The following INTS7 variants were observed in gnomAD, a reference collection of about 807,000 sequenced individuals.
INTS7 encodes integrator complex subunit 7.
A neutral mutation model predicts 109.2 loss-of-function variants in INTS7; 46 were observed. That is an observed-to-expected ratio of 0.42 (90% CI 0.33 to 0.54). The LOEUF (loss-of-function observed/expected upper bound fraction) is 0.54. INTS7 is among the 20% of genes least tolerant of loss of function. The probability of loss-of-function intolerance (pLI) is 0.07; values close to 1 mark genes in which losing one functional copy is unlikely to be tolerated. For missense variants in INTS7, 929 were observed against 1,132.4 expected, an observed-to-expected ratio of 0.82 and a Z score of 2.58; for synonymous variants, 412 against 402.9, an observed-to-expected ratio of 1.02 and a Z score of -0.27.
At chr1:211,995,970 G>A (rs147944134) in intron 7 of INTS7, among the ~76,000 whole-genome samples, 12 of 152,294 alleles carry the variant, frequency 7.9e-5, no homozygotes, top group African/African-American at 2.6e-4. Flanking sequence ...TTATGGTATT[G>A]CTACAGCAGC....
At chr1:211,975,918 ATG>A (rs1285032526) in intron 12 of INTS7, among the ~76,000 whole-genome samples, 1 of 151,304 alleles carries the variant, frequency 6.6e-6, no homozygotes, top group Non-Finnish European at 1.5e-5. Flanking sequence ...ACCTAGAGTA[ATG>A]CTTCCTCAAA....
At position 211,942,170 on chromosome 1, in the gene INTS7, T is replaced by C. The variant is rs997890668; in HGVS notation, c.2602-59A>G. 1 of 1,554,416 alleles carries C rather than the reference T, an allele frequency of 6.4e-7. No individual in the cohort carries two copies. The highest frequency in any genetic ancestry group is 2.2e-5 in the East Asian group (1 of 44,590). ...GCTAACATTTCTTCAGTGCTTACTA[T>C]GAGTTAGGCCCTGTTCTAAGAGCTT... On this transcript the variant is annotated intron_variant, in intron 19 of 19. Coordinates refer to ENST00000366994, the MANE Select transcript of INTS7 (RefSeq NM_015434.4). The surrounding 1 kb of genome is among the most constrained non-coding windows in gnomAD (Gnocchi z 4.2).
chr1:211,977,210 G>A (rs1335746870), intron 11 of INTS7, among the ~76,000 whole-genome samples: 1 of 152,186 alleles, frequency 6.6e-6, no homozygotes, highest in African/African-American at 2.4e-5. Context: ...TGAGAGAAGG[G>A]AGGAGATGCT....
At chr1:211,989,683 GT>G (rs1665061788) in intron 7 of INTS7, among the ~76,000 whole-genome samples, 1 of 151,960 alleles carries the variant, frequency 6.6e-6, no homozygotes, top group African/African-American at 2.4e-5. Context: ...TCAGCCGGGT[GT>G]GGTGGTGCAC....
chr1:212,024,803 C>T (rs1432846103), intron 1 of INTS7, among the ~76,000 whole-genome samples: 2 of 152,174 alleles, frequency 1.3e-5, no homozygotes, highest in Non-Finnish European at 2.9e-5. Context: ...GTGATAAGAA[C>T]ATGGAGTGTA....
intron 4 of INTS7, among the ~76,000 whole-genome samples, chr1:212,016,454 T>C (rs959945804): frequency 2.6e-5 from 4 of 152,212 alleles, no homozygotes; most frequent in Non-Finnish European, 5.9e-5. Flanking sequence ...ACATTCTGAA[T>C]AGGTTAAAAT....
At chr1:211,973,955 G>A (rs1440244678) in intron 13 of INTS7, among the ~76,000 whole-genome samples, 2 of 152,102 alleles carry the variant, frequency 1.3e-5, no homozygotes, top group African/African-American at 4.8e-5. Context: ...TCAATCAAGT[G>A]CTTTCTTCCT....
In INTS7 at chr1:211,947,800, T is replaced by C. The variant is rs1011228590; in HGVS notation, c.2317-1095A>G. Among the ~76,000 whole-genome samples, 39 of 152,188 alleles carry C rather than the reference T, an allele frequency of 2.6e-4. 1 individual carries two copies. The highest frequency in any genetic ancestry group is 9.2e-4 in the African/African-American group (38 of 41,452). Reference sequence around the variant, plus strand: ...AACACCATTAGAGGGAAATTGACATTGTGGACTTCTGAGTAAAAGGCACTT... The same window carrying C: ...AACACCATTAGAGGGAAATTGACATCGTGGACTTCTGAGTAAAAGGCACTT... On this transcript the variant is annotated intron_variant, in intron 17 of 19. Coordinates refer to ENST00000366994, the MANE Select transcript of INTS7 (RefSeq NM_015434.4).
At chr1:211,983,419 T>G (rs1182722563) in intron 8 of INTS7, among the ~76,000 whole-genome samples, 2 of 152,218 alleles carry the variant, frequency 1.3e-5, no homozygotes, top group African/African-American at 4.8e-5. Context: ...TATTATACTC[T>G]TCTGCTTTAT....
intron 7 of INTS7, among the ~76,000 whole-genome samples, chr1:211,991,504 G>A (rs1260755768): frequency 6.6e-6 from 1 of 152,350 alleles, no homozygotes; most frequent in South Asian, 2.1e-4. Flanking sequence ...AACAGTAGGC[G>A]GGAAACAGTC....
chr1:211,971,638 C>T (rs983905835), intron 13 of INTS7, among the ~76,000 whole-genome samples: 12 of 152,066 alleles, frequency 7.9e-5, no homozygotes, highest in African/African-American at 2.7e-4. Flanking sequence ...AAGAAAGGGC[C>T]GGGCATTGGG....
chr1:212,011,311 T>G, intron 5 of INTS7, 64 bp downstream of exon 5: 1 of 818,350 alleles, frequency 1.2e-6, no homozygotes, highest in Non-Finnish European at 2.0e-6. Context: ...AGTACTTAAT[T>G]AGTGTTAGCA....
At chr1:211,984,472 T>C (rs1664806519) in intron 8 of INTS7, among the ~76,000 whole-genome samples, 1 of 152,184 alleles carries the variant, frequency 6.6e-6, no homozygotes, top group Admixed American at 6.5e-5. Flanking sequence ...TCCCCCTATG[T>C]ACAACAGTAC....
chr1:212,002,982 T>C (rs987103490), intron 7 of INTS7, among the ~76,000 whole-genome samples: 3 of 151,978 alleles, frequency 2.0e-5, no homozygotes, highest in African/African-American at 7.3e-5. Context: ...AAAATAATTA[T>C]TGAACTAAAA....
chr1:212,022,455 A>T (rs1238722338), intron 1 of INTS7, among the ~76,000 whole-genome samples: 1 of 152,214 alleles, frequency 6.6e-6, no homozygotes, highest in African/African-American at 2.4e-5. Flanking sequence ...TCCATAATAC[A>T]AACCAACTTT....
rs1662671289 is a variant in INTS7 at position 211,942,514 on chromosome 1, T to C, written c.2602-403A>G. Among the ~76,000 whole-genome samples the C allele has an allele frequency of 6.6e-6, 1 of 152,196 alleles. No individual in the cohort carries two copies. Among genetic ancestry groups the C allele is most frequent in the African/African-American group, 2.4e-5 (1 of 41,448 alleles). ...ACTGTGAAGAGATATTCTGAAGAAA[T>C]AGGATGAAATCACCTGTTCCAGAGA... On this transcript the variant is annotated intron_variant, in intron 19 of 19. Transcript: ENST00000366994. This position sits in a 1 kb window ranked among gnomAD's most constrained non-coding sequence, Gnocchi z 4.2.
At chr1:212,028,858 A>G (rs114752466) in intron 1 of INTS7, among the ~76,000 whole-genome samples, 3,983 of 152,312 alleles carry the variant, frequency 0.026, 60 homozygotes, top group African/African-American at 0.046. Flanking sequence ...AGGCACAGAC[A>G]AGCTAAGCAA....
intron 13 of INTS7, among the ~76,000 whole-genome samples, chr1:211,972,583 T>C (rs1571863738): frequency 6.6e-6 from 1 of 152,190 alleles, no homozygotes; most frequent in Non-Finnish European, 1.5e-5. Context: ...ACAACATCTT[T>C]TGAAGGTGGA....
Position 212,026,304 on chromosome 1 carries a change from G to T in INTS7, c.95-5092C>A, listed in dbSNP as rs949890792. ...ACTCATGTTAGTTATTCAGTACTTA[G>T]AACATTATTTCCTCATAGGAAAATA... On this transcript the variant is annotated intron_variant, in intron 1 of 19. Transcript: ENST00000366994. Among the ~76,000 whole-genome samples, 2 of 152,248 alleles carry T rather than the reference G, an allele frequency of 1.3e-5. 1 individual carries two copies. The highest frequency in any genetic ancestry group is 4.1e-4 in the South Asian group (2 of 4,824).
Sources: gnomAD v4.1 joint callset for allele counts (sites outside exome capture counted in the v4.1 genomes callset) on GRCh38, gnomAD v4.1.1 for gene constraint, Gnocchi (gnomAD v3.1) non-coding constraint, MANE v1.5 for transcripts, NCBI Gene and HGNC (gene_info 2026-07-23, HGNC 2026-07-21) for gene names.